Variants in PPFIA2 observed in about 807,000 individuals in gnomAD.
PPFIA2 encodes the protein liprin-alpha-2.
PPFIA2 carries 46 observed loss-of-function variants against 175.5 expected under a neutral mutation model. The ratio of observed to expected loss-of-function variants is 0.26; its 90% CI spans 0.21 to 0.34. PPFIA2 has a LOEUF of 0.34. Among genes scored for constraint, PPFIA2 ranks in the 10% least tolerant of loss-of-function variants. The pLI is 1.00. For synonymous variants in PPFIA2, 568 were observed against 511.4 expected (o/e 1.11, Z -1.49); for missense variants, 1,179 against 1,506.1 (o/e 0.78, Z 3.60).
intron 4 of PPFIA2, among the ~76,000 whole-genome samples, chr12:81,542,762 G>A (rs763824186): frequency 1.3e-5 from 2 of 152,026 alleles, no homozygotes; most frequent in Admixed American, 6.6e-5. Context: ...TTTATAGCCA[G>A]GAATGTCTTT....
At chr12:81,358,454 T>C (rs965418031) in intron 15 of PPFIA2, among the ~76,000 whole-genome samples, 1 of 152,150 alleles carries the variant, frequency 6.6e-6, no homozygotes. Context: ...GAATATACAG[T>C]GCTTATAACC....
At chr12:81,595,345 T>C (rs953519658) in intron 4 of PPFIA2, among the ~76,000 whole-genome samples, 1 of 151,896 alleles carries the variant, frequency 6.6e-6, no homozygotes, top group African/African-American at 2.4e-5. Context: ...TTCTAATGCA[T>C]AAGAATACTG....
Position 81,746,354 on chromosome 12 carries a change from A to AT in PPFIA2, c.249+7618dup, listed in dbSNP as rs1268339582. ...TTAAGGGGATAAGATTCATTTATCC[A>AT]TTTTTTTTGGAGAAGCGCAGTGTCA... On this transcript the variant is annotated intron_variant, in intron 3 of 32. Coordinates refer to ENST00000549396, the MANE Select transcript of PPFIA2 (RefSeq NM_003625.5). Among the ~76,000 whole-genome samples, 7 of 143,566 alleles carry AT rather than the reference A, an allele frequency of 4.9e-5. 2 individuals carry two copies. The highest frequency in any genetic ancestry group is 4.5e-4 in the South Asian group (2 of 4,418). 94.2% of individuals were successfully genotyped at this position (143,566 alleles called of 152,430 possible).
At chr12:81,344,720 A>C (rs748434380) in intron 18 of PPFIA2, 27 bp from the exon 19 acceptor site, 1 of 1,507,074 alleles carries the variant, frequency 6.6e-7, no homozygotes, top group East Asian at 2.4e-5. Context: ...TAAAAACATA[A>C]AACACAATTA....
At chr12:81,548,061 G>T (rs1358676536) in intron 4 of PPFIA2, among the ~76,000 whole-genome samples, 3 of 152,058 alleles carry the variant, frequency 2.0e-5, no homozygotes, top group African/African-American at 7.2e-5. Flanking sequence ...CCAAATAATG[G>T]TATGAGGTTA....
chr12:81,674,357 G>A (rs1396467203), intron 4 of PPFIA2, among the ~76,000 whole-genome samples: 2 of 152,020 alleles, frequency 1.3e-5, no homozygotes, highest in Non-Finnish European at 2.9e-5. Context: ...CATAGCTTTT[G>A]AAGTAGACAA....
Position 81,569,820 on chromosome 12 carries a change from C to T in PPFIA2, c.303+106971G>A, listed in dbSNP as rs570723199. Among the ~76,000 whole-genome samples, 6 of 151,498 alleles carry T rather than the reference C, an allele frequency of 4.0e-5. No homozygotes were observed. The South Asian group carries it at 1.3e-3, about 32-fold the overall frequency. On this transcript the variant is annotated intron_variant, in intron 4 of 32. Transcript: ENST00000549396. ...ATACACAAAATATAGGAAGTAAGTG[C>T]TATTATTGTTCCTTTTACTGATTTT...
intron 3 of PPFIA2, among the ~76,000 whole-genome samples, chr12:81,743,424 A>AC (rs2082594000): frequency 6.8e-6 from 1 of 146,006 alleles, no homozygotes; most frequent in African/African-American, 2.6e-5. Context: ...AAAAAAAAAA[A>AC]AAAAAAAAAA....
chr12:81,363,369 TAACC>T (rs906404419), intron 14 of PPFIA2, among the ~76,000 whole-genome samples: 2 of 151,566 alleles, frequency 1.3e-5, no homozygotes, highest in African/African-American at 4.8e-5. Flanking sequence ...GTAAAGTTAA[TAACC>T]AATTAGCTTG....
rs1555549753 is a variant in PPFIA2 at position 81,642,769 on chromosome 12, T to TACATAC, written c.303+34021_303+34022insGTATGT. 1.8e-3 allele frequency among the ~76,000 whole-genome samples: 56 copies of TACATAC among 31,580 alleles called. 14 individuals are homozygous for TACATAC. The highest frequency in any genetic ancestry group is 0.013 in the East Asian group (11 of 876). 20.7% of individuals were successfully genotyped at this position (31,580 alleles called of 152,430 possible). ...TGTATTATATACATACATGTATATG[T>TACATAC]ATGTATGTATTATATACATACATGT... On this transcript the variant is annotated intron_variant, in intron 4 of 32. Coordinates refer to ENST00000549396, the MANE Select transcript of PPFIA2 (RefSeq NM_003625.5).
chr12:81,469,605 A>C (rs1300633049), intron 4 of PPFIA2, among the ~76,000 whole-genome samples: 1 of 152,244 alleles, frequency 6.6e-6, no homozygotes, highest in African/African-American at 2.4e-5. Context: ...TAAGCATACT[A>C]AACCTATAAA....
At chr12:81,369,434 AAATGT>A (rs1436781623) in intron 11 of PPFIA2, 43 of 1,337,004 alleles carry the variant, frequency 3.2e-5, no homozygotes, top group Non-Finnish European at 3.9e-5. Flanking sequence ...GAAATCAGCC[AAATGT>A]AACATGCAGA....
At chr12:81,278,980 A>C (rs1374668105) in intron 27 of PPFIA2, among the ~76,000 whole-genome samples, 4 of 152,218 alleles carry the variant, frequency 2.6e-5, no homozygotes, top group Non-Finnish European at 5.9e-5. Context: ...TGCATTAGGC[A>C]GGTGTTGTGG....
At chr12:81,274,408 C>T (rs540453853) in intron 28 of PPFIA2, among the ~76,000 whole-genome samples, 126 of 152,208 alleles carry the variant, frequency 8.3e-4, no homozygotes, top group Non-Finnish European at 1.4e-3. Context: ...AAAATTCCAT[C>T]GTCACACCTG....
intron 4 of PPFIA2, among the ~76,000 whole-genome samples, chr12:81,658,539 A>C (rs1379683635): frequency 6.6e-6 from 1 of 152,074 alleles, no homozygotes; most frequent in East Asian, 1.9e-4. Context: ...ATAAAAAGTA[A>C]AAATCGTTTA....
chr12:81,592,497 G>A (rs981006005), intron 4 of PPFIA2, among the ~76,000 whole-genome samples: 3 of 152,096 alleles, frequency 2.0e-5, no homozygotes, highest in African/African-American at 7.2e-5. Flanking sequence ...ACATGTTGTG[G>A]AAGGAACCCA....
chr12:81,357,583 A>C (rs1359913491), intron 16 of PPFIA2, among the ~76,000 whole-genome samples: 3 of 152,182 alleles, frequency 2.0e-5, no homozygotes, highest in Non-Finnish European at 4.4e-5. Context: ...GTCTATGTAC[A>C]TTTTCTTCAA....
intron 4 of PPFIA2, among the ~76,000 whole-genome samples, chr12:81,519,162 T>A (rs946983315): frequency 6.6e-6 from 1 of 152,324 alleles, no homozygotes; most frequent in Non-Finnish European, 1.5e-5. Context: ...AGCAACAATA[T>A]GATTTTCAAA....
chr12:81,306,418 A>G (rs1360618970), intron 22 of PPFIA2, among the ~76,000 whole-genome samples: 5 of 152,154 alleles, frequency 3.3e-5, no homozygotes, highest in Non-Finnish European at 4.4e-5. Flanking sequence ...TAGGGTTTTT[A>G]CAAAGGTTTT....
Sources: allele counts gnomAD v4.1 joint callset (sites outside exome capture counted in the v4.1 genomes callset), GRCh38; gene constraint gnomAD v4.1.1; transcripts MANE v1.5; gene names NCBI Gene and HGNC (gene_info 2026-07-23, HGNC 2026-07-21).